Variants in DENND2A observed in about 807,000 individuals in gnomAD.
DENND2A encodes the protein DENN domain containing 2A.
A neutral mutation model predicts 105.3 loss-of-function variants in DENND2A; 53 were observed. That is an observed-to-expected ratio of 0.50 (90% confidence interval 0.40 to 0.63). The LOEUF (loss-of-function observed/expected upper bound fraction) is 0.63, where lower values mean the gene tolerates loss of function less well. Ranked by LOEUF, DENND2A falls within the 30% of genes least tolerant of loss-of-function variation. The probability of loss-of-function intolerance (pLI) is 0.00; values close to 1 mark genes in which losing one functional copy is unlikely to be tolerated. For synonymous variants in DENND2A, 522 were observed against 508.4 expected (o/e 1.03, Z -0.36); for missense variants, 1,138 against 1,279.6 (o/e 0.89, Z 1.69).
chr7:140,525,153 C>G (rs868583052), intron 16 of DENND2A, among the ~76,000 whole-genome samples: 2 of 112,014 alleles, frequency 1.8e-5, no homozygotes, highest in Non-Finnish European at 3.6e-5. Flanking sequence ...GAGACCCTGT[C>G]TTTTTTTTTT....
intron 3 of DENND2A, among the ~76,000 whole-genome samples, chr7:140,594,261 T>C (rs1799190636): frequency 6.6e-6 from 1 of 152,134 alleles, no homozygotes; most frequent in Non-Finnish European, 1.5e-5. Flanking sequence ...GTTCCTTTTT[T>C]CCATTGCCCT....
intron 14 of DENND2A, chr7:140,544,396 T>C (rs927948166): frequency 4.4e-5 from 27 of 616,000 alleles, no homozygotes; most frequent in African/African-American, 4.2e-4. Context: ...AGTTTCACCA[T>C]GTTGCACAGG....
At chr7:140,584,804 A>G (rs1798709765) in intron 5 of DENND2A, among the ~76,000 whole-genome samples, 1 of 152,140 alleles carries the variant, frequency 6.6e-6, no homozygotes, top group South Asian at 2.1e-4. Context: ...AAGTTTACAT[A>G]TATGTATATT....
At chr7:140,635,210 C>T (rs1193746674) in intron 1 of DENND2A, among the ~76,000 whole-genome samples, 2 of 151,994 alleles carry the variant, frequency 1.3e-5, no homozygotes, top group African/African-American at 4.8e-5. Flanking sequence ...CTGCAGTGAG[C>T]CATCATTACA....
chr7:140,614,593 A>C (rs995967779), intron 1 of DENND2A, among the ~76,000 whole-genome samples: 3 of 152,228 alleles, frequency 2.0e-5, no homozygotes, highest in African/African-American at 7.2e-5. Context: ...TGGGCTATTC[A>C]GCTTTAATGA....
At chr7:140,558,470 T>C (rs931532488) in intron 10 of DENND2A, among the ~76,000 whole-genome samples, 2 of 151,544 alleles carry the variant, frequency 1.3e-5, no homozygotes, top group Admixed American at 1.3e-4. Flanking sequence ...CTGAGGCAGG[T>C]GGATCACTTG....
chr7:140,601,393 C>G lies in DENND2A; in HGVS notation c.995+10G>C. 6.4e-7 allele frequency: 1 copy of G among 1,566,430 alleles called. No individual in the cohort carries two copies. Among genetic ancestry groups the G allele is most frequent in the Non-Finnish European group, 8.7e-7 (1 of 1,155,680 alleles). On this transcript the variant is annotated intron_variant, in intron 3 of 19. Coordinates refer to ENST00000496613, the MANE Select transcript of DENND2A (RefSeq NM_015689.5). ...GTGGCGACACTCTGCCTGGCCACAC[C>G]GGCACCTACCTGTGGTCTGCACTGG...
chr7:140,558,489 A>G (rs2130567183), intron 10 of DENND2A, among the ~76,000 whole-genome samples: 1 of 152,244 alleles, frequency 6.6e-6, no homozygotes, highest in Non-Finnish European at 1.5e-5. Context: ...TGAGGTCAGG[A>G]GTTCGAGACC....
chr7:140,546,717 A>C (rs1585597604), intron 13 of DENND2A, 82 bp downstream of exon 13: 1 of 1,550,984 alleles, frequency 6.4e-7, no homozygotes, highest in East Asian at 2.3e-5. Context: ...CTGCTCACTG[A>C]AAGGCAGCCC....
At position 140,623,755 on chromosome 7, in the gene DENND2A, A is replaced by G. The variant is rs74897731; in HGVS notation, c.-248+16749T>C. Among the ~76,000 whole-genome samples the G allele has an allele frequency of 1.5e-3, 230 of 151,266 alleles. 1 individual carries two copies. The highest frequency in any genetic ancestry group is 2.9e-3 in the Non-Finnish European group (194 of 67,908). ...AAAAAAAGAGCATATGGAAAGTGTCACAACAGGAAGATCTGCTGAACCCTT... is the reference window on the plus strand; with the variant it reads ...AAAAAAAGAGCATATGGAAAGTGTCGCAACAGGAAGATCTGCTGAACCCTT... On this transcript the variant is annotated intron_variant, in intron 1 of 19. Transcript: ENST00000496613.
At chr7:140,620,230 T>C (rs1256016976) in intron 1 of DENND2A, among the ~76,000 whole-genome samples, 1 of 150,426 alleles carries the variant, frequency 6.6e-6, no homozygotes, top group Non-Finnish European at 1.5e-5. Context: ...AAACTGAAGC[T>C]AGAAAGAAAA....
intron 3 of DENND2A, among the ~76,000 whole-genome samples, chr7:140,595,308 C>T (rs925665443): frequency 3.3e-5 from 5 of 152,046 alleles, no homozygotes; most frequent in South Asian, 4.2e-4. Context: ...TGCCTGGCCC[C>T]GTGAATGAAT....
chr7:140,567,493 G>T (rs1343797598), intron 8 of DENND2A, among the ~76,000 whole-genome samples: 1 of 152,104 alleles, frequency 6.6e-6, no homozygotes, highest in Non-Finnish European at 1.5e-5. Flanking sequence ...CTCTTTATTT[G>T]GGATCTCTGC....
chr7:140,557,468 G>A (rs1194956244), intron 11 of DENND2A, among the ~76,000 whole-genome samples: 1 of 136,672 alleles, frequency 7.3e-6, no homozygotes, highest in Non-Finnish European at 1.6e-5. Context: ...AGACTCAGGT[G>A]AGCCCCCTCA....
chr7:140,524,023 C>T (rs1795956786), intron 16 of DENND2A, among the ~76,000 whole-genome samples: 1 of 152,128 alleles, frequency 6.6e-6, no homozygotes, highest in South Asian at 2.1e-4. Flanking sequence ...AGATGATTTC[C>T]ACTGCTCCAT....
Position 140,602,271 on chromosome 7 carries a change from A to G in DENND2A, c.127T>C (p.Ser43Pro). ...GATATCTTGTCCTTTATGTTGAGGG[A>G]CTTGTGCCGGGGTCTGGCTCTGGCA... ...PSARARPRHK[S>P]LNIKDKISEW... The change falls in exon 3 of 20, where the codon TCC becomes CCC. Residue 43 changes from serine to proline, a missense_variant. Transcript: ENST00000496613. 6.2e-7 allele frequency: 1 copy of G among 1,612,340 alleles called. No homozygotes were observed.
Position 140,525,760 on chromosome 7 carries a change from G to A in DENND2A, c.2538C>T (p.Phe846=), listed in dbSNP as rs369932936. ...VLVVDLVNSR[F]LRQMDDEDSI... Reference sequence around the variant, plus strand: ...CGCTGGCCTCACTCACCTGTCTGAGGAACCGGCTGTTGACGAGGTCAACCA... The same window carrying A: ...CGCTGGCCTCACTCACCTGTCTGAGAAACCGGCTGTTGACGAGGTCAACCA... Residue 846 remains phenylalanine, a synonymous_variant, in exon 16 of 20, where the codon TTC becomes TTT. Transcript: ENST00000496613. 5.6e-6 allele frequency: 9 copies of A among 1,606,658 alleles called. No individual in the cohort carries two copies. In the African/African-American group the frequency reaches 8.0e-5, roughly 14 times the overall value.
At chr7:140,631,811 C>A (rs1800743453) in intron 1 of DENND2A, among the ~76,000 whole-genome samples, 1 of 152,140 alleles carries the variant, frequency 6.6e-6, no homozygotes, top group Non-Finnish European at 1.5e-5. Flanking sequence ...CTCTGAGTCT[C>A]CAGGGTGCTG....
chr7:140,627,000 T>C (rs1369460553), intron 1 of DENND2A, among the ~76,000 whole-genome samples: 1 of 152,222 alleles, frequency 6.6e-6, no homozygotes, highest in East Asian at 1.9e-4. Context: ...TTCTCGCCTC[T>C]GTAAAATGGT....
Sources: gnomAD v4.1 joint callset for allele counts (sites outside exome capture counted in the v4.1 genomes callset) on GRCh38, gnomAD v4.1.1 for gene constraint, MANE v1.5 for transcripts, NCBI Gene and HGNC (gene_info 2026-07-23, HGNC 2026-07-21) for gene names.